NRG1: variants seen among roughly 807,000 people sequenced by gnomAD.
NRG1 encodes neuregulin 1, also known as pro-neuregulin-1, membrane-bound isoform.
Under a neutral mutation model 63.8 loss-of-function variants are expected in NRG1, and 18 were observed. The ratio of observed to expected loss-of-function variants is 0.28; its 90% CI spans 0.19 to 0.42. The LOEUF is 0.42. Ranked by LOEUF, NRG1 falls within the 10% of genes least tolerant of loss-of-function variation. The probability of loss-of-function intolerance (pLI) is 1.00; values close to 1 mark genes in which losing one functional copy is unlikely to be tolerated. For missense variants in NRG1, 762 were observed against 814.7 expected, an observed-to-expected ratio of 0.94 and a Z score of 0.79; for synonymous variants, 302 against 301.3, an observed-to-expected ratio of 1.00 and a Z score of -0.02.
intron 3 of NRG1, among the ~76,000 whole-genome samples, chr8:32,608,113 T>TGG: frequency 6.8e-6 from 1 of 146,290 alleles, no homozygotes; most frequent in Non-Finnish European, 1.5e-5. Flanking sequence ...TTTTGTTTTT[T>TGG]TTTTTTTTTG....
chr8:32,758,408 C>A (rs1238894134), intron 9 of NRG1, among the ~76,000 whole-genome samples: 1 of 151,812 alleles, frequency 6.6e-6, no homozygotes, highest in Non-Finnish European at 1.5e-5. Context: ...GAAACCCCAT[C>A]TCTGCTAAAA....
At chr8:32,562,278 C>T (rs55927812) in intron 1 of NRG1, among the ~76,000 whole-genome samples, 30,394 of 152,022 alleles carry the variant, frequency 0.2, 3,861 homozygotes, top group Admixed American at 0.33. Context: ...AGACAGGTCT[C>T]GTTTGGTCGC....
At chr8:31,947,009 G>T (rs996709806) in intron 1 of NRG1, among the ~76,000 whole-genome samples, 4 of 152,084 alleles carry the variant, frequency 2.6e-5, no homozygotes, top group African/African-American at 9.7e-5. Flanking sequence ...ACTTAGAAAA[G>T]AATGGATATG....
At chr8:31,746,057 C>T (rs950310335) in intron 1 of NRG1, among the ~76,000 whole-genome samples, 6 of 151,540 alleles carry the variant, frequency 4.0e-5, no homozygotes, top group South Asian at 2.1e-4. Flanking sequence ...CAGAATCAAG[C>T]GTGGTTGAAT....
intron 1 of NRG1, among the ~76,000 whole-genome samples, chr8:31,850,600 G>T (rs1289790342): frequency 3.9e-5 from 6 of 152,128 alleles, no homozygotes; most frequent in African/African-American, 1.4e-4. Context: ...CTCCCTGCCT[G>T]CTCACTTGCT....
chr8:31,970,052 C>T (rs1807023341), intron 1 of NRG1, among the ~76,000 whole-genome samples: 2 of 151,930 alleles, frequency 1.3e-5, no homozygotes, highest in African/African-American at 2.4e-5. Flanking sequence ...TGGTAATTTC[C>T]TCTTGGGGCT....
At chr8:32,037,968 C>T (rs962523452) in intron 1 of NRG1, among the ~76,000 whole-genome samples, 1 of 152,200 alleles carries the variant, frequency 6.6e-6, no homozygotes, top group Non-Finnish European at 1.5e-5. Flanking sequence ...TAGCTTCAGC[C>T]CCCTTCCCAC....
At chr8:32,110,022 G>A (rs1174550406) in intron 1 of NRG1, among the ~76,000 whole-genome samples, 4 of 152,102 alleles carry the variant, frequency 2.6e-5, no homozygotes, top group Admixed American at 2.0e-4. Flanking sequence ...CTATGTCAGA[G>A]AGCTATTGTA....
At position 32,371,992 on chromosome 8, in the gene NRG1, A is replaced by ATTTT. The variant is rs60780562; in HGVS notation, c.38-223823_38-223820dup. ...CTTTCTTTCTTTTTTCTTCTTCTTC[A>ATTTT]TTTTTTTTTTTTTTTTAAAAGGGTT... On this transcript the variant is annotated intron_variant, in intron 1 of 10. Coordinates refer to the NRG1 transcript ENST00000519301. Among the ~76,000 whole-genome samples, 631 of 129,410 alleles carry ATTTT rather than the reference A, an allele frequency of 4.9e-3. 5 individuals are homozygous for ATTTT. The highest frequency in any genetic ancestry group is 0.013 in the African/African-American group (471 of 35,134). 84.9% of individuals were successfully genotyped at this position (129,410 alleles called of 152,430 possible).
intron 1 of NRG1, among the ~76,000 whole-genome samples, chr8:31,764,500 A>C (rs1337905010): frequency 6.6e-6 from 1 of 152,182 alleles, no homozygotes; most frequent in Non-Finnish European, 1.5e-5. Context: ...TATGTATTGA[A>C]GGTAGATAGA....
intron 2 of NRG1, among the ~76,000 whole-genome samples, chr8:32,604,082 AG>A (rs1844838014): frequency 6.6e-6 from 1 of 152,300 alleles, no homozygotes; most frequent in African/African-American, 2.4e-5. Context: ...GACATACTGA[AG>A]GAACTCTCAT....
chr8:31,728,951 T>C (rs2131343183), intron 1 of NRG1, among the ~76,000 whole-genome samples: 1 of 152,218 alleles, frequency 6.6e-6, no homozygotes, highest in East Asian at 1.9e-4. Context: ...TGTCTGTAAA[T>C]TCCATGTTGA....
intron 1 of NRG1, among the ~76,000 whole-genome samples, chr8:31,777,365 T>C (rs61382516): frequency 0.011 from 1,678 of 152,342 alleles, 36 homozygotes; most frequent in African/African-American, 0.039. Flanking sequence ...ATAGCTGTTG[T>C]TGGACCCAAT....
chr8:32,613,719 A>G (rs980091780), intron 3 of NRG1, among the ~76,000 whole-genome samples: 2 of 152,074 alleles, frequency 1.3e-5, no homozygotes, highest in Non-Finnish European at 1.5e-5. Flanking sequence ...GATATACATC[A>G]TTGCATCTCT....
chr8:31,944,852 T>C (rs536852691), intron 1 of NRG1, among the ~76,000 whole-genome samples: 3 of 152,348 alleles, frequency 2.0e-5, no homozygotes, highest in East Asian at 3.9e-4. Context: ...CTGTATGTAG[T>C]GTTTAATTGA....
intron 1 of NRG1, among the ~76,000 whole-genome samples, chr8:31,997,746 T>C (rs1427944345): frequency 6.6e-6 from 1 of 152,008 alleles, no homozygotes; most frequent in Non-Finnish European, 1.5e-5. Flanking sequence ...GTCTTTAGCA[T>C]ACTACATTAG....
intron 1 of NRG1, among the ~76,000 whole-genome samples, chr8:31,922,007 TC>T (rs1833962723): frequency 6.6e-6 from 1 of 152,184 alleles, no homozygotes; most frequent in Non-Finnish European, 1.5e-5. Flanking sequence ...ATTTACTATT[TC>T]CTAAGTGATT....
intron 1 of NRG1, among the ~76,000 whole-genome samples, chr8:31,712,342 C>A (rs1811859461): frequency 6.8e-6 from 1 of 146,252 alleles, no homozygotes; most frequent in Admixed American, 7.0e-5. Flanking sequence ...CTCAGCAGCT[C>A]ACTGCAACCT....
intron 1 of NRG1, among the ~76,000 whole-genome samples, chr8:32,137,114 C>A (rs960405569): frequency 3.3e-5 from 5 of 151,922 alleles, no homozygotes; most frequent in African/African-American, 1.2e-4. Context: ...GTAGGAAGCT[C>A]CTTTACCGCT....
Sources: gnomAD v4.1 joint callset for allele counts (sites outside exome capture counted in the v4.1 genomes callset) on GRCh38, gnomAD v4.1.1 for gene constraint, MANE v1.5 for transcripts, NCBI Gene and HGNC (gene_info 2026-07-23, HGNC 2026-07-21) for gene names.